Variants in ACBD5 observed in about 807,000 individuals in gnomAD.
The protein encoded by ACBD5 is acyl-CoA-binding domain-containing protein 5.
A neutral mutation model predicts 71.8 loss-of-function variants in ACBD5; 40 were observed. The observed-to-expected ratio is 0.56, with a 90% CI of 0.43 to 0.72. The LOEUF (loss-of-function observed/expected upper bound fraction) is 0.72, where lower values mean the gene tolerates loss of function less well. Among genes scored for constraint, ACBD5 ranks in the 30% least tolerant of loss-of-function variants. The pLI is 0.00. For missense variants in ACBD5, 559 were observed against 644.5 expected (o/e 0.87, Z 1.44); for synonymous variants, 229 against 218.6 (o/e 1.05, Z -0.42).
intron 7 of ACBD5, among the ~76,000 whole-genome samples, chr10:27,216,114 TC>T (rs1311427017): frequency 6.6e-6 from 1 of 151,574 alleles, no homozygotes; most frequent in African/African-American, 2.4e-5. Context: ...GCTCAGATGA[TC>T]CACCCACCTT....
At chr10:27,230,684 C>T (rs1245539959) in intron 4 of ACBD5, among the ~76,000 whole-genome samples, 1 of 150,834 alleles carries the variant, frequency 6.6e-6, no homozygotes, top group African/African-American at 2.4e-5. Context: ...GTAATCCTAG[C>T]TACTTGGGAG....
At position 27,204,502 on chromosome 10, in the gene ACBD5, A is replaced by C. The variant is rs1397628965; in HGVS notation, c.1503T>G (p.Phe501Leu). The C allele has an allele frequency of 1.9e-6, 3 of 1,614,052 alleles. No homozygotes were observed. Among genetic ancestry groups the C allele is most frequent in the Non-Finnish European group, 2.5e-6 (3 of 1,180,020 alleles). The change falls in exon 12 of 13, where the codon TTT (phenylalanine) becomes TTG (leucine). Residue 501 changes from phenylalanine to leucine, a missense_variant. Phe to Leu is a conservative substitution (Grantham distance 22). Transcript: ENST00000396271. ...PFEMSPGVLT[F>L]AIIWPFIAQW... ...GTGCAATAAAAGGCCATATGATGGCAAACGTTAGCACACCAGGAGACATCT... is the reference window on the plus strand; with the variant it reads ...GTGCAATAAAAGGCCATATGATGGCCAACGTTAGCACACCAGGAGACATCT...
chr10:27,217,145 C>CAAAA (rs375519969), intron 7 of ACBD5, among the ~76,000 whole-genome samples: 4,077 of 83,104 alleles, frequency 0.049, 277 homozygotes, highest in African/African-American at 0.13. Flanking sequence ...GACTCTGTCT[C>CAAAA]AAAAAAAAAA....
intron 8 of ACBD5, 67 bp downstream of exon 8, chr10:27,215,468 A>G (rs2061520874): frequency 2.9e-6 from 3 of 1,023,554 alleles, no homozygotes; most frequent in South Asian, 2.6e-5. Context: ...TGCTACTAAC[A>G]GAAGTTACGC....
chr10:27,228,942 C>T (rs1289349768), intron 4 of ACBD5, among the ~76,000 whole-genome samples: 45 of 149,102 alleles, frequency 3.0e-4, no homozygotes, highest in Non-Finnish European at 3.0e-5. Flanking sequence ...CCTCAGCCTC[C>T]CGAGTAGCTG....
intron 12 of ACBD5, among the ~76,000 whole-genome samples, chr10:27,199,962 C>G (rs960805320): frequency 8.6e-5 from 13 of 151,668 alleles, no homozygotes; most frequent in Admixed American, 6.6e-5. Flanking sequence ...GCAATCCAGC[C>G]TGGGCGACAG....
chr10:27,212,138 T>C (rs57470366), intron 8 of ACBD5, among the ~76,000 whole-genome samples: 10,615 of 152,190 alleles, frequency 0.07, 693 homozygotes, highest in African/African-American at 0.17. Context: ...CACTTGAGGC[T>C]AGGAGTATGG....
rs191647168 is a variant in ACBD5 at position 27,196,040 on chromosome 10, T to C, written c.*1390A>G. Reference sequence around the variant, plus strand: ...CAACATGGAGAAACCCCGTCTCTACTAAAAATACAAAATTAGCCAGGCATG... The same window carrying C: ...CAACATGGAGAAACCCCGTCTCTACCAAAAATACAAAATTAGCCAGGCATG... On this transcript the variant is annotated 3_prime_UTR_variant, in exon 13 of 13. Transcript: ENST00000396271. 4.9e-6 allele frequency: 2 copies of C among 412,316 alleles called. No individual in the cohort carries two copies. The highest frequency in any genetic ancestry group is 2.1e-5 in the African/African-American group (1 of 48,086). The allele number at this position is 412,316 out of a possible 1,614,324, so 25.5% of individuals were successfully genotyped here. A position where few individuals can be genotyped will look rare whatever the true frequency, so the allele number is the denominator to read the frequency against.
chr10:27,228,815 A>ATATATTT (rs1554856598), intron 4 of ACBD5, among the ~76,000 whole-genome samples: 5 of 20,368 alleles, frequency 2.5e-4, no homozygotes, highest in African/African-American at 5.8e-4. Flanking sequence ...ATATATATAT[A>ATATATTT]TTTTTTTTTT....
chr10:27,189,479 TA>T (rs2058969520), intron 13 of ACBD5, among the ~76,000 whole-genome samples: 1 of 152,148 alleles, frequency 6.6e-6, no homozygotes, highest in African/African-American at 2.4e-5. Context: ...TGTCTCTATC[TA>T]AATTTTTTAA....
intron 12 of ACBD5, among the ~76,000 whole-genome samples, chr10:27,200,325 C>T (rs1023678953): frequency 2.0e-5 from 3 of 152,170 alleles, no homozygotes; most frequent in Non-Finnish European, 4.4e-5. Flanking sequence ...GCCACGGCAA[C>T]GTCAGGAAGT....
intron 12 of ACBD5, 106 bp downstream of exon 12, chr10:27,204,334 A>T (rs962761564): frequency 3.9e-6 from 3 of 770,842 alleles, no homozygotes; most frequent in African/African-American, 3.4e-5. Context: ...CACTATGACG[A>T]TGTATCTATA....
Position 27,238,736 on chromosome 10 carries a change from A to G in ACBD5, c.181+1583T>C, listed in dbSNP as rs2065080957. ...ATCTGCATTTAATGAATTTTTATTG[A>G]ATGATGTGTTGAATATTTGTTACCT... On this transcript the variant is annotated intron_variant, in intron 2 of 12. Coordinates refer to ENST00000396271, the MANE Select transcript of ACBD5 (RefSeq NM_145698.5). 2.0e-5 allele frequency among the ~76,000 whole-genome samples: 3 copies of G among 152,194 alleles called. No individual in the cohort carries two copies. The South Asian group carries it at 6.2e-4, about 32-fold the overall frequency.
chr10:27,189,769 A>AT (rs2058999020), intron 13 of ACBD5, among the ~76,000 whole-genome samples: 4 of 145,004 alleles, frequency 2.8e-5, no homozygotes, highest in African/African-American at 1.1e-4. Flanking sequence ...GTATAATAAA[A>AT]ATATATATAT....
intron 4 of ACBD5, among the ~76,000 whole-genome samples, chr10:27,231,265 C>G (rs1420852028): frequency 6.6e-6 from 1 of 152,122 alleles, no homozygotes; most frequent in African/African-American, 2.4e-5. Flanking sequence ...GCCTGTAATC[C>G]CAGCACTTTG....
In ACBD5 at chr10:27,205,164, C is replaced by A. The variant is rs758905851; in HGVS notation, c.1455+34G>T. 3.1e-6 allele frequency: 5 copies of A among 1,592,020 alleles called. No homozygotes were observed. In the Admixed American group the frequency reaches 5.0e-5, roughly 16 times the overall value. On this transcript the variant is annotated intron_variant, in intron 11 of 12. Transcript: ENST00000396271. Reference sequence around the variant, plus strand: ...AAACAACAACAAAAAACATATGAAACCCTGGCATTTAAATTTTTTAAAAAA... The same window carrying A: ...AAACAACAACAAAAAACATATGAAAACCTGGCATTTAAATTTTTTAAAAAA...
At chr10:27,230,688 T>C (rs192884114) in intron 4 of ACBD5, among the ~76,000 whole-genome samples, 45 of 148,922 alleles carry the variant, frequency 3.0e-4, no homozygotes, top group African/African-American at 1.1e-3. Context: ...TCCTAGCTAC[T>C]TGGGAGGCTG....
intron 12 of ACBD5, 87 bp downstream of exon 12, chr10:27,204,353 C>T: frequency 1.1e-6 from 1 of 914,214 alleles, no homozygotes; most frequent in Non-Finnish European, 1.8e-6. Flanking sequence ...TAAAATGGAC[C>T]TAGCATCCCT....
At chr10:27,194,420 A>T (rs1588910547), downstream of ACBD5, among the ~76,000 whole-genome samples, 1 of 150,110 alleles carries the variant, frequency 6.7e-6, no homozygotes, top group South Asian at 2.1e-4. Flanking sequence ...AGACCAGCCT[A>T]GCCAACATGG....
Sources: allele counts gnomAD v4.1 joint callset (sites outside exome capture counted in the v4.1 genomes callset), GRCh38; gene constraint gnomAD v4.1.1; transcripts MANE v1.5; gene names NCBI Gene and HGNC (gene_info 2026-07-23, HGNC 2026-07-21).